Variants in SYT16 observed in about 807,000 individuals in gnomAD.
SYT16 encodes synaptotagmin 16, also known as synaptotagmin-16.
Under a neutral mutation model 61.4 loss-of-function variants are expected in SYT16, and 42 were observed. That is an observed-to-expected ratio of 0.68 (90% CI 0.53 to 0.89). The LOEUF (loss-of-function observed/expected upper bound fraction) is 0.89. Among genes scored for constraint, SYT16 ranks in the 40% least tolerant of loss-of-function variants. SYT16 has a pLI of 0.00. For synonymous variants in SYT16, 314 were observed against 302.3 expected (o/e 1.04, Z -0.40); for missense variants, 804 against 807.3 (o/e 1.00, Z 0.05).
chr14:62,056,894 C>T (rs954844528), intron 3 of SYT16, among the ~76,000 whole-genome samples: 7 of 152,166 alleles, frequency 4.6e-5, no homozygotes, highest in African/African-American at 1.4e-4. Flanking sequence ...ACGAGCGCGG[C>T]GCCCAAGGGT....
intron 3 of SYT16, among the ~76,000 whole-genome samples, chr14:62,054,780 A>T (rs2140900261): frequency 6.6e-6 from 1 of 152,322 alleles, no homozygotes; most frequent in East Asian, 1.9e-4. Context: ...TTATCTCTGT[A>T]GCTTGACTTG....
chr14:61,912,261 G>A (rs576103173), intron 1 of SYT16, among the ~76,000 whole-genome samples: 1 of 152,132 alleles, frequency 6.6e-6, no homozygotes, highest in African/African-American at 2.4e-5. Flanking sequence ...ATGAAAAAGG[G>A]GGAACACGTG....
At chr14:61,908,232 C>T (rs1006674216) in intron 1 of SYT16, among the ~76,000 whole-genome samples, 2 of 152,142 alleles carry the variant, frequency 1.3e-5, no homozygotes, top group East Asian at 1.9e-4. Flanking sequence ...AAAGTGTTCC[C>T]TTGAGACTTA....
intron 1 of SYT16, among the ~76,000 whole-genome samples, chr14:61,886,880 C>CTTTTTTTTTTTTT (rs371140698): frequency 1.8e-5 from 2 of 110,848 alleles, no homozygotes; most frequent in Admixed American, 9.7e-5. Context: ...TTTTTTTTGT[C>CTTTTTTTTTTTTT]TTTTTTTTTT....
intron 1 of SYT16, among the ~76,000 whole-genome samples, chr14:61,964,962 C>CTG (rs1323230502): frequency 6.6e-6 from 1 of 151,514 alleles, no homozygotes; most frequent in African/African-American, 2.4e-5. Context: ...TAAAGATATC[C>CTG]TGCTATTGCA....
chr14:61,909,408 G>T (rs1482568651), intron 1 of SYT16, among the ~76,000 whole-genome samples: 3 of 152,164 alleles, frequency 2.0e-5, no homozygotes, highest in Admixed American at 2.0e-4. Flanking sequence ...CCCTCTGAAG[G>T]TGCCAGGGAG....
Position 62,111,765 on chromosome 14 carries a change from CAA to C in SYT16, c.*11059_*11060del, listed in dbSNP as rs1491463959. 6.6e-6 allele frequency: 1 copy of C among 152,020 alleles called. No individual in the cohort carries two copies. Among genetic ancestry groups the C allele is most frequent in the African/African-American group, 2.4e-5 (1 of 41,408 alleles). 9.4% of individuals were successfully genotyped at this position (152,020 alleles called of 1,614,324 possible). ...AGAATTCGTATGTGGTCCAGAGGTTCAAGAGAGAGAGAGAAAAAATTTCTCCT... is the reference window on the plus strand; with the variant it reads ...AGAATTCGTATGTGGTCCAGAGGTTCGAGAGAGAGAGAAAAAATTTCTCCT... On this transcript the variant is annotated 3_prime_UTR_variant, in exon 8 of 8. Transcript: ENST00000683842.
intron 1 of SYT16, among the ~76,000 whole-genome samples, chr14:61,848,142 G>A (rs1356143925): frequency 6.6e-6 from 1 of 152,202 alleles, no homozygotes; most frequent in African/African-American, 2.4e-5. Context: ...GGACATTGAA[G>A]AATTAGGTAT....
rs2056213673 is a variant in SYT16 at position 62,069,647 on chromosome 14, A to G, written c.568A>G (p.Ser190Gly). ...CGAAGAGCTGTCCACATCTTCTGACAGTGACGAGGAGGTGATCAAACAATT... is the reference window on the plus strand; with the variant it reads ...CGAAGAGCTGTCCACATCTTCTGACGGTGACGAGGAGGTGATCAAACAATT... The part of the protein sequence containing the change: ...DDEELSTSSD[S>G]DEEVIKQFEI... Residue 190 changes from serine to glycine, a missense_variant, in exon 4 of 8, where the codon AGT becomes GGT. By Grantham distance (56) the Ser-to-Gly change is moderately conservative. Transcript: ENST00000683842. 1.2e-6 allele frequency: 2 copies of G among 1,613,974 alleles called. No homozygotes were observed. The highest frequency in any genetic ancestry group is 4.5e-5 in the East Asian group (2 of 44,876).
chr14:62,037,779 G>A (rs2140834751), intron 3 of SYT16, among the ~76,000 whole-genome samples: 1 of 152,288 alleles, frequency 6.6e-6, no homozygotes, highest in African/African-American at 2.4e-5. Context: ...GACTTGGCAT[G>A]TCTAAGCTAG....
chr14:62,100,245 C>T (rs898445450), intron 7 of SYT16, 149 bp from the exon 8 acceptor site: 1 of 664,980 alleles, frequency 1.5e-6, no homozygotes, highest in Non-Finnish European at 2.5e-6. Flanking sequence ...AGATGTGTTG[C>T]CCAACAGCAA....
At position 62,044,511 on chromosome 14, in the gene SYT16, C is replaced by G. The variant is rs548158119; in HGVS notation, c.524-25092C>G. On this transcript the variant is annotated intron_variant, in intron 3 of 7. Coordinates refer to ENST00000683842, the MANE Select transcript of SYT16 (RefSeq NM_001367656.1). The stretch of plus-strand genomic sequence containing the variant: ...GTTCCCCTCCCTCTGTCCATGTGCT[C>G]TCATTGTTCAACTCCTACTTATGGG... Among the ~76,000 whole-genome samples the G allele has an allele frequency of 2.0e-5, 3 of 152,126 alleles. No homozygotes were observed. The South Asian group carries it at 6.2e-4, about 32-fold the overall frequency.
Position 62,084,324 on chromosome 14 carries a change from A to G in SYT16, c.1563A>G (p.Arg521=). ...TCTCGTACAATGCCACAACGGGGCGATTATCTGTGGAAATGATCAAAGGCA... is the reference window on the plus strand; with the variant it reads ...TCTCGTACAATGCCACAACGGGGCGGTTATCTGTGGAAATGATCAAAGGCA... The part of the protein sequence containing the change: ...VGLSYNATTG[R]LSVEMIKGSH... Residue 521 remains arginine (R), a synonymous_variant, in exon 7 of 8, where the codon CGA becomes CGG. Transcript: ENST00000683842. 6.2e-7 allele frequency: 1 copy of G among 1,613,482 alleles called. No homozygotes were observed. The highest frequency in any genetic ancestry group is 1.3e-5 in the African/African-American group (1 of 74,998).
intron 7 of SYT16, among the ~76,000 whole-genome samples, chr14:62,097,750 A>T (rs1430329827): frequency 6.6e-6 from 1 of 152,186 alleles, no homozygotes; most frequent in Non-Finnish European, 1.5e-5. Context: ...CCTTTCTCAT[A>T]ATTAGAAAAT....
intron 3 of SYT16, among the ~76,000 whole-genome samples, chr14:62,020,165 T>C (rs1202105663): frequency 6.6e-6 from 1 of 152,120 alleles, no homozygotes; most frequent in African/African-American, 2.4e-5. Flanking sequence ...ATCCCTTATT[T>C]TGTGACACCT....
intron 2 of SYT16, among the ~76,000 whole-genome samples, chr14:61,987,247 G>A (rs1423919596): frequency 6.6e-6 from 1 of 152,138 alleles, no homozygotes; most frequent in Admixed American, 6.5e-5. Context: ...ACTAAAAGGA[G>A]GAGGTGAGAT....
chr14:61,816,081 A>C (rs1211859154), intron 1 of SYT16, among the ~76,000 whole-genome samples: 3 of 152,186 alleles, frequency 2.0e-5, no homozygotes, highest in Non-Finnish European at 4.4e-5. Context: ...TTGTAAAAGG[A>C]GACATCTGTC....
intron 3 of SYT16, among the ~76,000 whole-genome samples, chr14:62,035,731 T>C (rs984062398): frequency 3.9e-5 from 6 of 152,174 alleles, no homozygotes; most frequent in African/African-American, 1.4e-4. Context: ...AATCTGAATT[T>C]CATGTATATC....
At chr14:61,868,574 A>G (rs1439467170) in intron 1 of SYT16, among the ~76,000 whole-genome samples, 9 of 152,070 alleles carry the variant, frequency 5.9e-5, no homozygotes, top group African/African-American at 1.4e-4. Flanking sequence ...TGGGATATTT[A>G]TAAGTATGTT....
Sources: gnomAD v4.1 joint callset for allele counts (sites outside exome capture counted in the v4.1 genomes callset) on GRCh38, gnomAD v4.1.1 for gene constraint, MANE v1.5 for transcripts, NCBI Gene and HGNC (gene_info 2026-07-23, HGNC 2026-07-21) for gene names.